Variants in CENPP observed in about 807,000 individuals in gnomAD.
The protein encoded by CENPP is centromere protein P.
A neutral mutation model predicts 35.6 loss-of-function variants in CENPP; 24 were observed. That is an observed-to-expected ratio of 0.67 (90% CI 0.49 to 0.95). The LOEUF (loss-of-function observed/expected upper bound fraction) is 0.95, where lower values mean the gene tolerates loss of function less well. Among genes scored for constraint, CENPP ranks in the 40% least tolerant of loss-of-function variants. The pLI, the probability that CENPP is intolerant of heterozygous loss-of-function variation, is 0.00. For synonymous variants in CENPP, 120 were observed against 125.5 expected, an observed-to-expected ratio of 0.96 and a Z score of 0.29; for missense variants, 332 against 345.3, an observed-to-expected ratio of 0.96 and a Z score of 0.31.
At chr9:92,609,037 T>G (rs1851160369) in intron 5 of CENPP, among the ~76,000 whole-genome samples, 1 of 152,248 alleles carries the variant, frequency 6.6e-6, no homozygotes, top group Non-Finnish European at 1.5e-5. Context: ...GTTCACAGGC[T>G]CTCCCTTACG....
At chr9:92,360,641 ATAACT>A (rs1841722472) in intron 4 of CENPP, among the ~76,000 whole-genome samples, 1 of 152,184 alleles carries the variant, frequency 6.6e-6, no homozygotes, top group South Asian at 2.1e-4. Flanking sequence ...CATACTTTAA[ATAACT>A]TAAGAAAAGG....
At chr9:92,416,615 ATACT>A in intron 5 of CENPP, 1 of 1,486,202 alleles carries the variant, frequency 6.7e-7, no homozygotes, top group African/African-American at 1.4e-5. Context: ...AAAAGTCTAC[ATACT>A]TTCTATTTCA....
intron 5 of CENPP, among the ~76,000 whole-genome samples, chr9:92,446,757 C>G (rs556588878): frequency 1.3e-5 from 2 of 148,424 alleles, no homozygotes; most frequent in African/African-American, 5.0e-5. Flanking sequence ...CTAAAATCCT[C>G]TGGAGAATAT....
At chr9:92,432,026 A>G (rs1281257863) in intron 5 of CENPP, among the ~76,000 whole-genome samples, 2 of 152,178 alleles carry the variant, frequency 1.3e-5, no homozygotes, top group Admixed American at 1.3e-4. Context: ...TGTGGATCCC[A>G]TGAAAATGGT....
chr9:92,503,938 G>A (rs1846839546), intron 5 of CENPP, among the ~76,000 whole-genome samples: 1 of 152,188 alleles, frequency 6.6e-6, no homozygotes, highest in African/African-American at 2.4e-5. Context: ...TACAGCAGTG[G>A]CTTTAGAAGG....
chr9:92,421,439 A>G (rs185017754), intron 5 of CENPP, among the ~76,000 whole-genome samples: 6 of 152,322 alleles, frequency 3.9e-5, no homozygotes, highest in African/African-American at 1.2e-4. Flanking sequence ...CACTACAGTC[A>G]GTGTTCGTGG....
chr9:92,532,804 G>A (rs994447139), intron 5 of CENPP, among the ~76,000 whole-genome samples: 11 of 151,880 alleles, frequency 7.2e-5, no homozygotes, highest in Non-Finnish European at 1.3e-4. Flanking sequence ...GATCCTCTAT[G>A]TGTCTATTTC....
chr9:92,543,425 T>A (rs935801378), intron 5 of CENPP, among the ~76,000 whole-genome samples: 1 of 120,502 alleles, frequency 8.3e-6, no homozygotes, highest in African/African-American at 3.3e-5. Context: ...TGAGCAGAAA[T>A]CTCACCACTG....
chr9:92,405,120 A>G (rs186442684), intron 5 of CENPP, among the ~76,000 whole-genome samples: 142 of 152,290 alleles, frequency 9.3e-4, no homozygotes, highest in African/African-American at 3.1e-3. Flanking sequence ...ACTGATGCAT[A>G]AAAATTAGCT....
chr9:92,561,560 A>G (rs1303568909), intron 5 of CENPP, among the ~76,000 whole-genome samples: 1 of 152,228 alleles, frequency 6.6e-6, no homozygotes, highest in East Asian at 1.9e-4. Flanking sequence ...ACTTTGTACA[A>G]AGAAAACCAC....
chr9:92,525,867 C>T (rs1443130076), intron 5 of CENPP, among the ~76,000 whole-genome samples: 1 of 146,538 alleles, frequency 6.8e-6, no homozygotes, highest in Non-Finnish European at 1.5e-5. Context: ...CACCACCATG[C>T]CCAGAGTGCA....
rs1413974811 is a variant in CENPP at position 92,478,339 on chromosome 9, C to T, written c.564+98480C>T. Among the ~76,000 whole-genome samples the T allele has an allele frequency of 5.9e-5, 9 of 152,232 alleles. No homozygotes were observed. In the East Asian group the frequency reaches 1.7e-3, roughly 29 times the overall value. ...CTACTTGGGAAATTGTTTTGGGGTTCACAATTTCTTGAGGCTTAATCCTAT... is the reference window on the plus strand; with the variant it reads ...CTACTTGGGAAATTGTTTTGGGGTTTACAATTTCTTGAGGCTTAATCCTAT... On this transcript the variant is annotated intron_variant, in intron 5 of 7. Transcript: ENST00000375587.
chr9:92,517,434 CA>C, intron 5 of CENPP: 1 of 595,448 alleles, frequency 1.7e-6, no homozygotes, highest in East Asian at 2.8e-5. Context: ...AGCTGAGAGT[CA>C]AATGTGGAAT....
intron 5 of CENPP, among the ~76,000 whole-genome samples, chr9:92,524,108 G>A (rs1228236124): frequency 1.3e-5 from 2 of 152,168 alleles, no homozygotes; most frequent in Non-Finnish European, 2.9e-5. Context: ...TGTTTGCTAA[G>A]ACGTTCTGTG....
At chr9:92,545,569 G>A (rs1417534165) in intron 5 of CENPP, among the ~76,000 whole-genome samples, 2 of 152,118 alleles carry the variant, frequency 1.3e-5, no homozygotes, top group Non-Finnish European at 2.9e-5. Context: ...CCTCCCCGAC[G>A]AGCTCTGCCC....
chr9:92,560,833 T>C (rs1849830311), intron 5 of CENPP, among the ~76,000 whole-genome samples: 1 of 151,676 alleles, frequency 6.6e-6, no homozygotes, highest in South Asian at 2.1e-4. Context: ...TCGCAGTGGC[T>C]CCAAACCTAT....
At chr9:92,543,003 C>G (rs1176515636) in intron 5 of CENPP, among the ~76,000 whole-genome samples, 1 of 152,154 alleles carries the variant, frequency 6.6e-6, no homozygotes, top group African/African-American at 2.4e-5. Flanking sequence ...TCTCTTGGCA[C>G]TTTTGTCAAA....
At chr9:92,600,483 C>T in intron 5 of CENPP, 1 of 1,612,888 alleles carries the variant, frequency 6.2e-7, no homozygotes, top group Non-Finnish European at 8.5e-7. Flanking sequence ...CCCAGCTGGT[C>T]TGTTCTGCAA....
intron 5 of CENPP, among the ~76,000 whole-genome samples, chr9:92,427,848 A>G (rs528088856): frequency 5.3e-5 from 8 of 152,212 alleles, no homozygotes; most frequent in Non-Finnish European, 1.2e-4. Flanking sequence ...AGAACTAAAT[A>G]TGGTGATGGG....
Sources: allele counts gnomAD v4.1 joint callset (sites outside exome capture counted in the v4.1 genomes callset), GRCh38; gene constraint gnomAD v4.1.1; transcripts MANE v1.5; gene names NCBI Gene and HGNC (gene_info 2026-07-23, HGNC 2026-07-21).